RPS6KA6: variants seen among roughly 807,000 people sequenced by gnomAD.
The protein encoded by RPS6KA6 is ribosomal protein S6 kinase alpha-6.
In RPS6KA6, 27 loss-of-function variants were observed where a neutral mutation model predicts 65.4. The ratio of observed to expected loss-of-function variants is 0.41; its 90% CI spans 0.30 to 0.57. The LOEUF (loss-of-function observed/expected upper bound fraction) is 0.57, where lower values mean the gene tolerates loss of function less well. RPS6KA6 is among the 20% of genes least tolerant of loss of function. RPS6KA6 has a pLI of 0.24. For missense variants in RPS6KA6, 486 were observed against 555.6 expected, an observed-to-expected ratio of 0.87 and a Z score of 1.26; for synonymous variants, 190 against 184.2, an observed-to-expected ratio of 1.03 and a Z score of -0.26.
chrX:84,070,773 A>G (rs2033526882), intron 20 of RPS6KA6, among the ~76,000 whole-genome samples: 1 of 111,056 alleles, frequency 9.0e-6, no homozygotes, highest in Non-Finnish European at 1.9e-5. Context: ...TTAATACTAA[A>G]AAGAAGATAA....
intron 20 of RPS6KA6, among the ~76,000 whole-genome samples, chrX:84,071,642 G>T (rs144614114): frequency 0.051 from 5,661 of 110,781 alleles, 200 homozygotes; most frequent in East Asian, 0.21. Context: ...TAAAAAAAAT[G>T]ATAAATGAAA....
At chrX:84,119,521 G>A in intron 9 of RPS6KA6, among the ~76,000 whole-genome samples, 1 of 111,339 alleles carries the variant, frequency 9.0e-6, no homozygotes. Context: ...GGAACAATCT[G>A]ACAATAAGAC....
chrX:84,079,419 GTTT>G (rs1303902698), intron 20 of RPS6KA6, among the ~76,000 whole-genome samples: 1 of 103,903 alleles, frequency 9.6e-6, no homozygotes, highest in Non-Finnish European at 2.0e-5. Flanking sequence ...GCTAGCTGCA[GTTT>G]TTTTTTTTTT....
chrX:84,133,344 G>A (rs2034936557), intron 8 of RPS6KA6, among the ~76,000 whole-genome samples: 1 of 111,668 alleles, frequency 9.0e-6, no homozygotes, highest in African/African-American at 3.3e-5. Flanking sequence ...ATTTATTATT[G>A]TACACATTCT....
chrX:84,168,507 TA>T (rs1362568235), intron 1 of RPS6KA6, among the ~76,000 whole-genome samples: 1 of 111,366 alleles, frequency 9.0e-6, no homozygotes, highest in African/African-American at 3.3e-5. Flanking sequence ...TATGTGGGAT[TA>T]AAAAAAGAAC....
At chrX:84,177,051 T>A (rs922778866) in intron 1 of RPS6KA6, among the ~76,000 whole-genome samples, 2 of 110,913 alleles carry the variant, frequency 1.8e-5, no homozygotes, top group African/African-American at 6.5e-5. Flanking sequence ...ACCATCCTCT[T>A]GAGAAATGAA....
chrX:84,148,279 T>C (rs763832013), intron 3 of RPS6KA6, among the ~76,000 whole-genome samples, 156 bp from the exon 4 acceptor site: 1 of 110,656 alleles, frequency 9.0e-6, no homozygotes, highest in East Asian at 2.9e-4. Context: ...TAGTGAGAGA[T>C]TTGTTGAAGG....
intron 20 of RPS6KA6, among the ~76,000 whole-genome samples, chrX:84,089,851 C>T (rs2034007595): frequency 1.8e-5 from 2 of 112,253 alleles, no homozygotes; most frequent in South Asian, 3.7e-4. Context: ...ACCATTTTCA[C>T]TGCTCTCCAT....
intron 8 of RPS6KA6, among the ~76,000 whole-genome samples, chrX:84,132,647 A>C (rs1216897530): frequency 9.4e-6 from 1 of 106,040 alleles, no homozygotes; most frequent in Non-Finnish European, 1.9e-5. Context: ...GCAGGATTTC[A>C]GGAAAAAAAC....
At chrX:84,129,044 A>T (rs1044871470) in intron 8 of RPS6KA6, among the ~76,000 whole-genome samples, 1 of 111,493 alleles carries the variant, frequency 9.0e-6, no homozygotes, top group Non-Finnish European at 1.9e-5. Context: ...AACAATCAAT[A>T]ACATGAAGAG....
intron 8 of RPS6KA6, among the ~76,000 whole-genome samples, chrX:84,134,572 A>G (rs1308938251): frequency 9.0e-6 from 1 of 111,400 alleles, no homozygotes; most frequent in Non-Finnish European, 1.9e-5. Context: ...CTTATTCAGG[A>G]TAAGTGTATC....
chrX:84,083,976 T>C (rs1030946389), intron 20 of RPS6KA6, among the ~76,000 whole-genome samples: 7 of 112,575 alleles, frequency 6.2e-5, no homozygotes, highest in African/African-American at 2.3e-4. Context: ...TGATCAGTGA[T>C]GTTGAGCTTT....
chrX:84,106,396 T>C lies in RPS6KA6; in HGVS notation c.1334A>G (p.His445Arg). The change falls in exon 15 of 22, where the codon CAT becomes CGT. Residue 445 changes from histidine to arginine, a missense_variant. Around this residue, in one of 3 missense-constraint regions of RPS6KA6, gnomAD observed 345 missense variants for 375.0 expected, o/e 0.92. Coordinates refer to ENST00000262752, the MANE Select transcript of RPS6KA6 (RefSeq NM_014496.5). ...GSYSVCKRCI[H>R]ATTNMEFAVK... ...TGCAAATTCCATGTTGGTAGTTGCA[T>C]GTATGCATCGCTTGCAAACAGAGTA... is the stretch of plus-strand genomic sequence containing the variant. 1 of 1,199,945 alleles carries C rather than the reference T, an allele frequency of 8.3e-7. No individual in the cohort carries two copies. The highest frequency in any genetic ancestry group is 1.1e-6 in the Non-Finnish European group (1 of 887,193).
rs764112493 is a variant in RPS6KA6 at position 84,102,187 on chromosome X, A to G, written c.1626T>C (p.Arg542=). 1 of 1,105,060 alleles carries G rather than the reference A, an allele frequency of 9.0e-7. No homozygotes were observed. Among genetic ancestry groups the G allele is most frequent in the Non-Finnish European group, 1.2e-6 (1 of 824,546 alleles). 91.1% of individuals were successfully genotyped at this position (1,105,060 alleles called of 1,213,427 possible). A position where few individuals can be genotyped will look rare whatever the true frequency, so the allele number is the denominator to read the frequency against. ...DYLHCQGVVH[R]DLKPSNILYM... is the part of the protein sequence containing the mutation. ...ATAAAATATTACTAGGTTTAAGATC[A>G]CGATGAACAACCTTGAATATAAAGG... Residue 542 remains arginine, a synonymous_variant, in exon 18 of 22, where the codon CGT becomes CGC. Coordinates refer to ENST00000262752, the MANE Select transcript of RPS6KA6 (RefSeq NM_014496.5).
chrX:84,155,700 T>C (rs2035404355), intron 3 of RPS6KA6, among the ~76,000 whole-genome samples: 1 of 112,363 alleles, frequency 8.9e-6, no homozygotes, highest in Non-Finnish European at 1.9e-5. Context: ...GTGTCATAGC[T>C]AACAAATGTA....
intron 12 of RPS6KA6, among the ~76,000 whole-genome samples, chrX:84,115,829 T>C (rs2034554550): frequency 1.8e-5 from 2 of 111,946 alleles, no homozygotes; most frequent in Non-Finnish European, 3.8e-5. Flanking sequence ...TGGAGATTAT[T>C]ATCCTATGTG....
intron 20 of RPS6KA6, 44 bp from the exon 21 acceptor site, chrX:84,065,155 C>G: frequency 1.1e-6 from 1 of 917,649 alleles, no homozygotes. Context: ...TACATGTATA[C>G]ATACATAATT....
At chrX:84,079,659 T>C (rs765161979) in intron 20 of RPS6KA6, among the ~76,000 whole-genome samples, 12 of 111,133 alleles carry the variant, frequency 1.1e-4, no homozygotes, top group Admixed American at 7.6e-4. Context: ...TCCACCATCA[T>C]TGAGGCTTGA....
At chrX:84,173,723 C>G (rs1402455298) in intron 1 of RPS6KA6, among the ~76,000 whole-genome samples, 1 of 111,358 alleles carries the variant, frequency 9.0e-6, no homozygotes. Flanking sequence ...AGTGGCAGTG[C>G]GATCACAGCT....
Sources: gnomAD v4.1 joint callset for allele counts (sites outside exome capture counted in the v4.1 genomes callset) on GRCh38, gnomAD v4.1.1 for gene constraint, gnomAD v4.1.1 regional missense constraint, MANE v1.5 for transcripts, NCBI Gene and HGNC (gene_info 2026-07-23, HGNC 2026-07-21) for gene names.